Variants in SLC7A9 observed in about 807,000 individuals in gnomAD.
SLC7A9 encodes solute carrier family 7 member 9.
Under a neutral mutation model 54.1 loss-of-function variants are expected in SLC7A9, and 38 were observed. That is an observed-to-expected ratio of 0.70 (90% CI 0.54 to 0.92). The LOEUF is 0.92. SLC7A9 is among the 40% of genes least tolerant of loss of function. The pLI, the probability that SLC7A9 is intolerant of heterozygous loss-of-function variation, is 0.00. For synonymous variants in SLC7A9, 264 were observed against 258.9 expected, an observed-to-expected ratio of 1.02 and a Z score of -0.19; for missense variants, 537 against 636.1, an observed-to-expected ratio of 0.84 and a Z score of 1.68.
chr19:32,842,381 GAC>G (rs1475534464), intron 10 of SLC7A9, 64 bp from the exon 11 acceptor site: 2 of 1,498,482 alleles, frequency 1.3e-6, no homozygotes, highest in Non-Finnish European at 1.9e-6. Context: ...TGTCACAGAA[GAC>G]CGAAGAAGCA....
intron 9 of SLC7A9, 42 bp downstream of exon 9, chr19:32,858,398 C>T: frequency 7.1e-7 from 1 of 1,409,086 alleles, no homozygotes; most frequent in Non-Finnish European, 1.0e-6. Flanking sequence ...ATTGCTTTCG[C>T]CGCCCCTGTC....
chr19:32,857,845 TAA>T (rs1968672691), intron 9 of SLC7A9, among the ~76,000 whole-genome samples: 1 of 152,048 alleles, frequency 6.6e-6, no homozygotes. Context: ...TTTGGGCAAA[TAA>T]AGTTTTATTG....
At chr19:32,854,337 C>T (rs1599673862) in intron 9 of SLC7A9, among the ~76,000 whole-genome samples, 1 of 151,962 alleles carries the variant, frequency 6.6e-6, no homozygotes, top group African/African-American at 2.4e-5. Flanking sequence ...ACTTTTAAGA[C>T]AGCAGAGTCT....
At position 32,845,766 on chromosome 19, in the gene SLC7A9, G is replaced by A. The variant is rs138051581; in HGVS notation, c.978-1815C>T. On this transcript the variant is annotated intron_variant, in intron 9 of 12. Coordinates refer to ENST00000023064, the MANE Select transcript of SLC7A9 (RefSeq NM_014270.5). ...TTCATGCCTGTAATCCCAGGACTTC[G>A]GGAGGCCGAGGCGGGTGGATCACTT... Among the ~76,000 whole-genome samples, 399 of 152,316 alleles carry A rather than the reference G, an allele frequency of 2.6e-3. 2 individuals are homozygous for A. Among genetic ancestry groups the A allele is most frequent in the African/African-American group, 9.3e-3 (385 of 41,570 alleles).
intron 9 of SLC7A9, among the ~76,000 whole-genome samples, chr19:32,854,733 A>G (rs563294409): frequency 6.6e-6 from 1 of 152,268 alleles, no homozygotes; most frequent in African/African-American, 2.4e-5. Context: ...AATTACAGGC[A>G]TCTGCCACCA....
At chr19:32,837,528 A>G (rs1424612836) in intron 11 of SLC7A9, among the ~76,000 whole-genome samples, 2 of 150,700 alleles carry the variant, frequency 1.3e-5, no homozygotes, top group African/African-American at 4.9e-5. Context: ...AGAAACCTCA[A>G]ATTCCCAACC....
intron 2 of SLC7A9, among the ~76,000 whole-genome samples, chr19:32,867,875 A>G (rs866894220): frequency 7.1e-6 from 1 of 141,540 alleles, no homozygotes; most frequent in African/African-American, 2.6e-5. Flanking sequence ...GGTTGCAGTG[A>G]GCTGAGATCA....
intron 9 of SLC7A9, among the ~76,000 whole-genome samples, chr19:32,847,090 CAG>C (rs926214110): frequency 1.4e-4 from 21 of 152,338 alleles, no homozygotes; most frequent in African/African-American, 4.1e-4. Flanking sequence ...GGGGAAAAAA[CAG>C]AGCAGAAAAA....
At chr19:32,842,514 G>GT (rs1968156458) in intron 10 of SLC7A9, among the ~76,000 whole-genome samples, 197 bp from the exon 11 acceptor site, 1 of 152,098 alleles carries the variant, frequency 6.6e-6, no homozygotes, top group Non-Finnish European at 1.5e-5. Flanking sequence ...GAAAAGACCT[G>GT]GGAAATTTCT....
At chr19:32,838,299 T>C (rs1238542371) in intron 11 of SLC7A9, among the ~76,000 whole-genome samples, 1 of 152,088 alleles carries the variant, frequency 6.6e-6, no homozygotes, top group African/African-American at 2.4e-5. Flanking sequence ...ACACTTCCTC[T>C]TTTTTAATGT....
chr19:32,855,689 A>G lies in SLC7A9; in HGVS notation c.977+2751T>C, dbSNP rs546476354. On this transcript the variant is annotated intron_variant, in intron 9 of 12. Transcript: ENST00000023064. ...TGCACTCCAGCCTGGGTGACAGAGC[A>G]AGACTCCGTCTCAAAAAAAAAAATA... 2.1e-4 allele frequency among the ~76,000 whole-genome samples: 32 copies of G among 151,454 alleles called. No individual in the cohort carries two copies. The East Asian group carries it at 2.3e-3, about 11-fold the overall frequency.
At chr19:32,846,940 C>A (rs1256735557) in intron 9 of SLC7A9, among the ~76,000 whole-genome samples, 1 of 152,208 alleles carries the variant, frequency 6.6e-6, no homozygotes, top group Admixed American at 6.5e-5. Flanking sequence ...TGGAGTAGAC[C>A]TCTAGAAAAC....
chr19:32,867,720 G>A (rs1969012934), intron 2 of SLC7A9, among the ~76,000 whole-genome samples: 3 of 151,724 alleles, frequency 2.0e-5, no homozygotes, highest in Admixed American at 2.0e-4. Context: ...CGAGGTGGGC[G>A]GATCACTTGA....
rs537783045 is a variant in SLC7A9, at chr19:32,865,407, A to G, written c.88-631T>C. ...CAGCCTCGAACTCCTGGGCTCAAAC[A>G]ATCCTCCCAACTCAGCCTCCCAAAG... On this transcript the variant is annotated intron_variant, in intron 2 of 12. Coordinates refer to ENST00000023064, the MANE Select transcript of SLC7A9 (RefSeq NM_014270.5). Among the ~76,000 whole-genome samples, 3 of 152,286 alleles carry G rather than the reference A, an allele frequency of 2.0e-5. No individual in the cohort carries two copies. In the East Asian group the frequency reaches 5.8e-4, roughly 29 times the overall value.
intron 9 of SLC7A9, among the ~76,000 whole-genome samples, chr19:32,847,699 C>T (rs35646563): frequency 0.17 from 25,842 of 152,050 alleles, 2,316 homozygotes; most frequent in East Asian, 0.21. Context: ...CACAAAGATA[C>T]TCCTCGAGAA....
chr19:32,840,772 C>T (rs186864546), intron 11 of SLC7A9, among the ~76,000 whole-genome samples: 2 of 152,276 alleles, frequency 1.3e-5, no homozygotes, highest in African/African-American at 4.8e-5. Flanking sequence ...TCCTCCACCT[C>T]CCCTGGGGGT....
intron 9 of SLC7A9, among the ~76,000 whole-genome samples, chr19:32,853,417 A>C (rs1968526753): frequency 6.6e-6 from 1 of 152,198 alleles, no homozygotes; most frequent in South Asian, 2.1e-4. Context: ...ATAATTACAA[A>C]GGGTGAGTTT....
At chr19:32,855,503 T>G (rs1460564025) in intron 9 of SLC7A9, among the ~76,000 whole-genome samples, 2 of 151,958 alleles carry the variant, frequency 1.3e-5, no homozygotes, top group Admixed American at 6.6e-5. Flanking sequence ...ATCAAGACCA[T>G]CCTGGCAAAC....
chr19:32,840,981 T>C (rs763592824), intron 11 of SLC7A9, among the ~76,000 whole-genome samples: 33 of 152,310 alleles, frequency 2.2e-4, no homozygotes, highest in Middle Eastern at 3.4e-3. Flanking sequence ...ATGAGGGATT[T>C]TGTGCAGATT....
Sources: gnomAD v4.1 joint callset for allele counts (sites outside exome capture counted in the v4.1 genomes callset) on GRCh38, gnomAD v4.1.1 for gene constraint, MANE v1.5 for transcripts, NCBI Gene and HGNC (gene_info 2026-07-23, HGNC 2026-07-21) for gene names.